EIF4G3: variants seen among roughly 807,000 people sequenced by gnomAD.
The protein encoded by EIF4G3 is eukaryotic translation initiation factor 4 gamma 3, also known as eIF-4-gamma 3.
EIF4G3 carries 34 observed loss-of-function variants against 186.4 expected under a neutral mutation model. The ratio of observed to expected loss-of-function variants is 0.18; its 90% CI spans 0.14 to 0.24. The LOEUF is 0.24. EIF4G3 is among the 10% of genes least tolerant of loss of function. The pLI is 1.00. For missense variants in EIF4G3, 1,536 were observed against 1,948.5 expected (o/e 0.79, Z 3.99); for synonymous variants, 673 against 679.5 (o/e 0.99, Z 0.15).
intron 2 of EIF4G3, among the ~76,000 whole-genome samples, chr1:21,160,107 C>CAAAAAAAA (rs34145998): frequency 8.8e-6 from 1 of 114,130 alleles, no homozygotes. Flanking sequence ...AACTCCATCT[C>CAAAAAAAA]AAAAAAAAAA....
At position 20,917,387 on chromosome 1, in the gene EIF4G3, G is replaced by A. The variant is rs191017052; in HGVS notation, c.1664-12416C>T. Among the ~76,000 whole-genome samples the A allele has an allele frequency of 2.6e-3, 391 of 152,296 alleles. 1 individual carries two copies. Among genetic ancestry groups the A allele is most frequent in the African/African-American group, 9.2e-3 (382 of 41,560 alleles). On this transcript the variant is annotated intron_variant, in intron 14 of 36. Transcript: ENST00000602326. ...CCAGACATTGTAGTGCATGCCTGTT[G>A]TCCCAGCTACTTGGGAGGCTGAGGC...
At chr1:20,961,937 G>A (rs1317139405) in intron 12 of EIF4G3, among the ~76,000 whole-genome samples, 1 of 152,308 alleles carries the variant, frequency 6.6e-6, no homozygotes, top group East Asian at 1.9e-4. Flanking sequence ...TTAAGGTACA[G>A]AATGCTATTA....
At chr1:21,018,924 T>G (rs1430965365) in intron 4 of EIF4G3, among the ~76,000 whole-genome samples, 1 of 73,252 alleles carries the variant, frequency 1.4e-5, no homozygotes, top group Non-Finnish European at 4.4e-5. Flanking sequence ...AATAAAGCTC[T>G]TTTTTTTTTT....
rs548209786 is a variant in EIF4G3, at chr1:20,987,747, ATAT to A, written c.178-5342_178-5340del. ...ACCTTCCTATTCAGCAGACACAATA[ATAT>A]TGAAGTTAGGCCATTATATGGAAAT... On this transcript the variant is annotated intron_variant, in intron 7 of 36. Coordinates refer to ENST00000602326, the MANE Select transcript of EIF4G3 (RefSeq NM_001391906.1). 2.6e-5 allele frequency among the ~76,000 whole-genome samples: 4 copies of A among 152,266 alleles called. No homozygotes were observed. The South Asian group carries it at 6.2e-4, about 24-fold the overall frequency.
rs527569172 is a variant in EIF4G3, at chr1:21,165,486, A to G, written c.-272+10689T>C. Among the ~76,000 whole-genome samples, 170 of 152,348 alleles carry G rather than the reference A, an allele frequency of 1.1e-3. 1 individual carries two copies. Among genetic ancestry groups the G allele is most frequent in the African/African-American group, 4.0e-3 (165 of 41,582 alleles). ...GAAACAACCCAAATGTCCATGGTAC[A>G]TGGAATATTACTCAATAATTTTAAA... On this transcript the variant is annotated intron_variant, in intron 2 of 36. Coordinates refer to ENST00000602326, the MANE Select transcript of EIF4G3 (RefSeq NM_001391906.1).
chr1:21,154,918 G>A (rs1271921243), intron 2 of EIF4G3, among the ~76,000 whole-genome samples: 1 of 152,024 alleles, frequency 6.6e-6, no homozygotes, highest in African/African-American at 2.4e-5. Context: ...CTACAAACCT[G>A]TGACTAACCA....
chr1:21,141,320 T>C (rs559320797), intron 2 of EIF4G3, among the ~76,000 whole-genome samples: 18 of 152,040 alleles, frequency 1.2e-4, no homozygotes, highest in East Asian at 1.9e-4. Context: ...TGCTGTGGGA[T>C]AGCATGTGTG....
At chr1:20,896,432 T>A in intron 16 of EIF4G3, among the ~76,000 whole-genome samples, 1 of 120,514 alleles carries the variant, frequency 8.3e-6, no homozygotes, top group African/African-American at 3.3e-5. Flanking sequence ...TGAGATTCTA[T>A]CTCAAAAAAA....
intron 2 of EIF4G3, among the ~76,000 whole-genome samples, chr1:21,126,969 ATTTTTATTGTTGGTG>A (rs1161463337): frequency 6.6e-6 from 1 of 151,954 alleles, no homozygotes; most frequent in Non-Finnish European, 1.5e-5. Flanking sequence ...TATTTCTATA[ATTTTTATTGTTGGTG>A]TTTTTGTTGT....
chr1:21,166,590 G>A (rs1203292545), intron 2 of EIF4G3, among the ~76,000 whole-genome samples: 1 of 152,032 alleles, frequency 6.6e-6, no homozygotes. Flanking sequence ...CCCCAATGTG[G>A]TGGCGTGCAC....
At chr1:20,983,138 T>C (rs2078667143) in intron 7 of EIF4G3, among the ~76,000 whole-genome samples, 1 of 152,196 alleles carries the variant, frequency 6.6e-6, no homozygotes, top group Non-Finnish European at 1.5e-5. Context: ...AAGGAAGAAC[T>C]GGGATCTAGT....
At chr1:20,909,982 C>T (rs1177119614) in intron 14 of EIF4G3, among the ~76,000 whole-genome samples, 1 of 151,924 alleles carries the variant, frequency 6.6e-6, no homozygotes, top group Admixed American at 6.6e-5. Context: ...GGTCTCTTAC[C>T]ATGTTGTCCA....
At position 20,852,983 on chromosome 1, in the gene EIF4G3, T is replaced by TA. The variant is rs902622597; in HGVS notation, c.3551+576dup. Among the ~76,000 whole-genome samples, 309 of 146,806 alleles carry TA rather than the reference T, an allele frequency of 2.1e-3. 1 individual carries two copies. Among genetic ancestry groups the TA allele is most frequent in the Non-Finnish European group, 2.9e-3 (192 of 66,336 alleles). On this transcript the variant is annotated intron_variant, in intron 27 of 36. Coordinates refer to ENST00000602326, the MANE Select transcript of EIF4G3 (RefSeq NM_001391906.1). Reference sequence around the variant, plus strand: ...GATGCCATCTCTAAAAAATAATAATTAAAAAAAAAAAGTTTTAGAGCTTAA... The same window carrying TA: ...GATGCCATCTCTAAAAAATAATAATTAAAAAAAAAAAAGTTTTAGAGCTTAA...
At chr1:20,969,759 G>A (rs2075434492) in intron 11 of EIF4G3, among the ~76,000 whole-genome samples, 163 bp from the exon 12 acceptor site, 2 of 152,164 alleles carry the variant, frequency 1.3e-5, no homozygotes, top group Non-Finnish European at 2.9e-5. Flanking sequence ...TCAGATAAAT[G>A]TAGGCCATTA....
At chr1:20,911,811 T>G (rs1167761776) in intron 14 of EIF4G3, among the ~76,000 whole-genome samples, 1 of 152,016 alleles carries the variant, frequency 6.6e-6, no homozygotes, top group Non-Finnish European at 1.5e-5. Context: ...TATTTTCCTT[T>G]TATTTCCTTT....
At chr1:21,093,478 T>C (rs1409047130) in intron 2 of EIF4G3, among the ~76,000 whole-genome samples, 2 of 145,172 alleles carry the variant, frequency 1.4e-5, no homozygotes, top group South Asian at 2.2e-4. Flanking sequence ...TGTGGAGAAA[T>C]AGGAACACTT....
chr1:21,036,521 T>TA (rs1191465926), intron 4 of EIF4G3, among the ~76,000 whole-genome samples: 2 of 152,188 alleles, frequency 1.3e-5, no homozygotes, highest in Non-Finnish European at 2.9e-5. Context: ...CCTTAATATT[T>TA]AAAATCAGTT....
At chr1:21,070,480 A>G (rs1227263271) in intron 3 of EIF4G3, among the ~76,000 whole-genome samples, 3 of 152,140 alleles carry the variant, frequency 2.0e-5, no homozygotes, top group Admixed American at 2.0e-4. Flanking sequence ...CCACTTATCA[A>G]AACATTAGAG....
chr1:21,124,528 G>T (rs1417192015), intron 2 of EIF4G3, among the ~76,000 whole-genome samples: 1 of 152,154 alleles, frequency 6.6e-6, no homozygotes, highest in Non-Finnish European at 1.5e-5. Context: ...TAAACAAGAA[G>T]ACGGCCAGAC....
Sources: gnomAD v4.1 joint callset for allele counts (sites outside exome capture counted in the v4.1 genomes callset) on GRCh38, gnomAD v4.1.1 for gene constraint, MANE v1.5 for transcripts, NCBI Gene and HGNC (gene_info 2026-07-23, HGNC 2026-07-21) for gene names.